The following NCALD variants were observed in gnomAD, a reference collection of about 807,000 sequenced individuals.
NCALD encodes neurocalcin delta, also known as neurocalcin-delta.
In NCALD, 10 loss-of-function variants were observed where a neutral mutation model predicts 18.6. That is an observed-to-expected ratio of 0.54 (90% CI 0.33 to 0.91). The LOEUF is 0.91. Among genes scored for constraint, NCALD ranks in the 40% least tolerant of loss-of-function variants. The probability of loss-of-function intolerance (pLI) is 0.03; values close to 1 mark genes in which losing one functional copy is unlikely to be tolerated. For missense variants in NCALD, 184 were observed against 247.6 expected, an observed-to-expected ratio of 0.74 and a Z score of 1.72; for synonymous variants, 88 against 87.4, an observed-to-expected ratio of 1.01 and a Z score of -0.04.
intron 4 of NCALD, among the ~76,000 whole-genome samples, chr8:101,859,243 C>T (rs563582384): frequency 3.3e-5 from 5 of 152,256 alleles, no homozygotes; most frequent in East Asian, 1.9e-4. Flanking sequence ...TTCAGCTTTC[C>T]GACTCTTAGA....
At chr8:101,903,898 G>A (rs1586730378) in intron 3 of NCALD, among the ~76,000 whole-genome samples, 1 of 152,148 alleles carries the variant, frequency 6.6e-6, no homozygotes, top group African/African-American at 2.4e-5. Flanking sequence ...CTGGTATGCT[G>A]GGTGTGACAT....
chr8:101,837,714 C>T (rs529572577), intron 4 of NCALD, among the ~76,000 whole-genome samples: 1 of 152,244 alleles, frequency 6.6e-6, no homozygotes, highest in East Asian at 1.9e-4. Flanking sequence ...ATAACCATGC[C>T]CAGGGAAATT....
intron 1 of NCALD, among the ~76,000 whole-genome samples, chr8:101,730,118 T>C (rs958303353): frequency 3.9e-5 from 6 of 152,182 alleles, no homozygotes; most frequent in African/African-American, 1.2e-4. Flanking sequence ...TAAATGCATA[T>C]GTATGAAACC....
chr8:101,837,042 A>C (rs1814441959), intron 4 of NCALD, among the ~76,000 whole-genome samples: 1 of 152,108 alleles, frequency 6.6e-6, no homozygotes, highest in African/African-American at 2.4e-5. Flanking sequence ...GCCCAGCACC[A>C]GCTAATATCA....
chr8:101,753,315 T>C (rs1330526740), intron 1 of NCALD, among the ~76,000 whole-genome samples: 1 of 152,154 alleles, frequency 6.6e-6, no homozygotes, highest in Non-Finnish European at 1.5e-5. Flanking sequence ...AGATGGGAGA[T>C]ATTGAGAACC....
chr8:101,854,690 G>T (rs940170646), intron 4 of NCALD, among the ~76,000 whole-genome samples: 3 of 152,054 alleles, frequency 2.0e-5, no homozygotes, highest in Non-Finnish European at 4.4e-5. Flanking sequence ...GAAAAAAATG[G>T]GACTTATGCT....
chr8:101,691,455 C>T, intron 3 of NCALD: 1 of 985,248 alleles, frequency 1.0e-6, no homozygotes, highest in Non-Finnish European at 1.2e-6. Flanking sequence ...GGCTTTAGGG[C>T]TTTATCCTGT....
At chr8:101,946,947 G>A (rs1244035900) in intron 2 of NCALD, among the ~76,000 whole-genome samples, 2 of 151,650 alleles carry the variant, frequency 1.3e-5, no homozygotes, top group African/African-American at 2.4e-5. Flanking sequence ...AAAAATTAAA[G>A]TTGAGCAAAT....
chr8:101,932,991 C>T (rs1818633027), intron 2 of NCALD, among the ~76,000 whole-genome samples: 1 of 152,162 alleles, frequency 6.6e-6, no homozygotes, highest in South Asian at 2.1e-4. Context: ...TTGATAGCAA[C>T]AATTTTTCTT....
intron 2 of NCALD, among the ~76,000 whole-genome samples, chr8:101,936,212 A>T (rs150082877): frequency 6.6e-6 from 1 of 152,332 alleles, no homozygotes; most frequent in Non-Finnish European, 1.5e-5. Context: ...GGATTCTAAC[A>T]TGGCATTTTC....
intron 3 of NCALD, among the ~76,000 whole-genome samples, chr8:101,891,540 C>A (rs59217267): frequency 0.068 from 10,287 of 152,260 alleles, 728 homozygotes; most frequent in African/African-American, 0.18. Context: ...CAGCTCCGGT[C>A]TACAGCTCCC....
intron 3 of NCALD, chr8:101,915,705 A>G (rs1817949732): frequency 1.3e-5 from 2 of 152,166 alleles, no homozygotes; most frequent in Non-Finnish European, 2.9e-5. Flanking sequence ...TTATGCTACT[A>G]TTCTTGATAA....
intron 4 of NCALD, among the ~76,000 whole-genome samples, chr8:101,831,987 T>C (rs962909010): frequency 6.6e-6 from 1 of 152,208 alleles, no homozygotes. Context: ...GTTTTGCCAG[T>C]GCAGATAAAG....
intron 2 of NCALD, among the ~76,000 whole-genome samples, chr8:101,995,298 C>T (rs1821196825): frequency 6.6e-6 from 1 of 152,192 alleles, no homozygotes; most frequent in Non-Finnish European, 1.5e-5. Context: ...TAAGCCATGA[C>T]ATGCAAAACA....
At chr8:101,746,280 G>A (rs1367654724) in intron 1 of NCALD, among the ~76,000 whole-genome samples, 1 of 152,168 alleles carries the variant, frequency 6.6e-6, no homozygotes, top group Non-Finnish European at 1.5e-5. Flanking sequence ...TTCCTGTTCT[G>A]TCACTTACTA....
At chr8:101,748,430 A>C (rs574657659) in intron 1 of NCALD, among the ~76,000 whole-genome samples, 1 of 152,186 alleles carries the variant, frequency 6.6e-6, no homozygotes. Context: ...TCGTTCATCA[A>C]TCTCACCAGT....
intron 1 of NCALD, among the ~76,000 whole-genome samples, chr8:102,093,899 T>C (rs1825007954): frequency 6.6e-6 from 1 of 152,062 alleles, no homozygotes; most frequent in African/African-American, 2.4e-5. Context: ...TGCCCTTAAA[T>C]ACCTTAATAC....
intron 4 of NCALD, among the ~76,000 whole-genome samples, chr8:101,883,578 A>C (rs1444098750): frequency 6.6e-6 from 1 of 152,178 alleles, no homozygotes; most frequent in East Asian, 1.9e-4. Context: ...CCTCTCTTGA[A>C]ATTTCTTCGA....
At chr8:101,921,323 G>A (rs1818157295) in intron 2 of NCALD, among the ~76,000 whole-genome samples, 1 of 150,602 alleles carries the variant, frequency 6.6e-6, no homozygotes, top group African/African-American at 2.4e-5. Context: ...ACTTTTATTA[G>A]GAATAAAATA....
Sources: gnomAD v4.1 joint callset for allele counts (sites outside exome capture counted in the v4.1 genomes callset) on GRCh38, gnomAD v4.1.1 for gene constraint, MANE v1.5 for transcripts, NCBI Gene and HGNC (gene_info 2026-07-23, HGNC 2026-07-21) for gene names.